The following ARID1B variants were observed in gnomAD, a reference collection of about 807,000 sequenced individuals.
ARID1B encodes the protein AT-rich interaction domain 1B.
ARID1B carries 30 observed loss-of-function variants against 212.3 expected under a neutral mutation model. The observed-to-expected ratio is 0.14, with a 90% CI of 0.11 to 0.19. The LOEUF is 0.19. ARID1B is among the 10% of genes least tolerant of loss of function. ARID1B has a pLI of 1.00. For missense variants in ARID1B, 2,891 were observed against 3,204.0 expected (o/e 0.90, Z 2.36); for synonymous variants, 1,402 against 1,301.7 (o/e 1.08, Z -1.66).
chr6:156,980,402 G>T (rs1777532513), intron 4 of ARID1B, among the ~76,000 whole-genome samples: 1 of 152,144 alleles, frequency 6.6e-6, no homozygotes, highest in African/African-American at 2.4e-5. Flanking sequence ...AGAATTGCCT[G>T]AACCTGGGAG....
At chr6:156,961,905 A>C (rs1487994326) in intron 4 of ARID1B, among the ~76,000 whole-genome samples, 2 of 152,154 alleles carry the variant, frequency 1.3e-5, no homozygotes, top group Admixed American at 6.5e-5. Context: ...ATCTCTTCTA[A>C]GTCAATTTCA....
chr6:157,095,069 G>C (rs1279129309), intron 5 of ARID1B, among the ~76,000 whole-genome samples: 1 of 152,180 alleles, frequency 6.6e-6, no homozygotes, highest in Non-Finnish European at 1.5e-5. Context: ...GAGTGTGTGA[G>C]GCTTTAGGGT....
intron 17 of ARID1B, 31 bp downstream of exon 17, chr6:157,198,938 GT>G (rs1336004619): frequency 6.5e-7 from 1 of 1,537,812 alleles, no homozygotes; most frequent in Admixed American, 1.9e-5. Context: ...GGGGTGCTGT[GT>G]TTTCTGGTTC....
intron 1 of ARID1B, among the ~76,000 whole-genome samples, chr6:156,806,004 T>C (rs1781130053): frequency 6.6e-6 from 1 of 152,202 alleles, no homozygotes; most frequent in Admixed American, 6.5e-5. Context: ...AACCCTGTAA[T>C]GTGAGTTCCC....
chr6:157,192,873 G>T (rs541761393), intron 15 of ARID1B, among the ~76,000 whole-genome samples: 2 of 152,324 alleles, frequency 1.3e-5, no homozygotes, highest in East Asian at 3.9e-4. Flanking sequence ...TACTCTGTCA[G>T]TAAACTTAAT....
chr6:156,847,243 G>T (rs1784292449), intron 2 of ARID1B, among the ~76,000 whole-genome samples: 1 of 152,100 alleles, frequency 6.6e-6, no homozygotes. Context: ...GTGTCTCAAG[G>T]AATTGGTAGA....
chr6:156,782,185 A>G (rs867736496), intron 1 of ARID1B, among the ~76,000 whole-genome samples: 1 of 151,926 alleles, frequency 6.6e-6, no homozygotes, highest in Admixed American at 6.6e-5. Context: ...TTTGTCCAAA[A>G]TATTAAATTA....
chr6:156,836,556 A>G (rs758834645), intron 2 of ARID1B, among the ~76,000 whole-genome samples: 2 of 152,280 alleles, frequency 1.3e-5, no homozygotes, highest in Non-Finnish European at 2.9e-5. Flanking sequence ...GAAAATCTGG[A>G]TCTCACTGTG....
At chr6:157,120,375 T>C (rs1476454685) in intron 6 of ARID1B, among the ~76,000 whole-genome samples, 2 of 152,102 alleles carry the variant, frequency 1.3e-5, no homozygotes, top group Non-Finnish European at 2.9e-5. Flanking sequence ...CGGCTCCAAG[T>C]ATCAGGCTCT....
intron 4 of ARID1B, among the ~76,000 whole-genome samples, chr6:157,035,504 C>A (rs1781272450): frequency 6.6e-6 from 1 of 152,094 alleles, no homozygotes; most frequent in Admixed American, 6.5e-5. Context: ...AATCTTTTTT[C>A]CTTTTCTTAA....
At position 156,778,364 on chromosome 6, in the gene ARID1B, C is replaced by T. The variant is rs2114972087; in HGVS notation, c.684C>T (p.Gly228=). ...SNNNSLGGAG[G]GAPQPGPDME... is the part of the protein sequence containing the mutation. ...ACAACAGCTTGGGCGGCGCGGGCGG[C>T]GGCGCGCCTCAGCCCGGCCCCGACA... The change falls in exon 1 of 20, where the codon GGC becomes GGT. Residue 228 remains glycine (G), a synonymous_variant. Transcript: ENST00000636930. 2 of 1,539,776 alleles carry T rather than the reference C, an allele frequency of 1.3e-6. No homozygotes were observed. Among genetic ancestry groups the T allele is most frequent in the Non-Finnish European group, 1.7e-6 (2 of 1,146,294 alleles).
intron 6 of ARID1B, among the ~76,000 whole-genome samples, chr6:157,131,851 C>T (rs544971455): frequency 1.8e-4 from 28 of 152,124 alleles, no homozygotes; most frequent in East Asian, 1.2e-3. Flanking sequence ...CCACCGTGCC[C>T]GGCTAATTTT....
chr6:156,818,851 A>G (rs1435144175), intron 1 of ARID1B, among the ~76,000 whole-genome samples: 1 of 152,166 alleles, frequency 6.6e-6, no homozygotes, highest in East Asian at 1.9e-4. Flanking sequence ...TCTTCTGCAC[A>G]TTGATGGAGG....
At chr6:157,029,933 C>A (rs1277180201) in intron 4 of ARID1B, among the ~76,000 whole-genome samples, 1 of 152,174 alleles carries the variant, frequency 6.6e-6, no homozygotes, top group Non-Finnish European at 1.5e-5. Flanking sequence ...TTCAGAACTT[C>A]CTTTAGTGTC....
intron 1 of ARID1B, among the ~76,000 whole-genome samples, chr6:156,820,610 GGTGA>G (rs1453141816): frequency 6.6e-6 from 1 of 152,230 alleles, no homozygotes; most frequent in Non-Finnish European, 1.5e-5. Context: ...AACACTGCGA[GGTGA>G]GTGTGACCGT....
At chr6:157,011,406 G>C (rs1253675622) in intron 4 of ARID1B, among the ~76,000 whole-genome samples, 1 of 152,158 alleles carries the variant, frequency 6.6e-6, no homozygotes, top group Non-Finnish European at 1.5e-5. Flanking sequence ...TTATGTAGCA[G>C]TTATGCCTTG....
chr6:157,204,051 A>G (rs1244030481), intron 19 of ARID1B, 55 bp downstream of exon 19: 5 of 1,606,364 alleles, frequency 3.1e-6, no homozygotes, highest in African/African-American at 1.3e-5. Flanking sequence ...GCATCAGGCC[A>G]TGCACATTTG....
intron 4 of ARID1B, among the ~76,000 whole-genome samples, chr6:156,950,274 T>C (rs1219257361): frequency 6.6e-6 from 1 of 152,192 alleles, no homozygotes; most frequent in East Asian, 1.9e-4. Flanking sequence ...CTTACATTGC[T>C]CAAAGAGTTT....
chr6:156,787,441 C>T (rs1431458125), intron 1 of ARID1B, among the ~76,000 whole-genome samples: 1 of 152,134 alleles, frequency 6.6e-6, no homozygotes, highest in African/African-American at 2.4e-5. Flanking sequence ...GAAGTTAAAC[C>T]ACTCACCATA....
Sources: allele counts gnomAD v4.1 joint callset (sites outside exome capture counted in the v4.1 genomes callset), GRCh38; gene constraint gnomAD v4.1.1; transcripts MANE v1.5; gene names NCBI Gene and HGNC (gene_info 2026-07-23, HGNC 2026-07-21).